The following FER variants were observed in gnomAD, a reference collection of about 807,000 sequenced individuals.
FER encodes the protein tyrosine-protein kinase Fer.
FER carries 63 observed loss-of-function variants against 111.0 expected under a neutral mutation model. The ratio of observed to expected loss-of-function variants is 0.57; its 90% CI spans 0.46 to 0.70. FER has a LOEUF of 0.70. Among genes scored for constraint, FER ranks in the 30% least tolerant of loss-of-function variants. The probability of loss-of-function intolerance (pLI) is 0.00; values close to 1 mark genes in which losing one functional copy is unlikely to be tolerated. For synonymous variants in FER, 327 were observed against 313.9 expected (o/e 1.04, Z -0.44); for missense variants, 914 against 954.0 (o/e 0.96, Z 0.55).
intron 13 of FER, among the ~76,000 whole-genome samples, chr5:109,021,820 T>C (rs531523757): frequency 3.3e-5 from 5 of 152,230 alleles, no homozygotes; most frequent in African/African-American, 9.6e-5. Context: ...CTAAAAGTTG[T>C]TGTTTTTTCA....
intron 13 of FER, among the ~76,000 whole-genome samples, chr5:109,034,811 A>T (rs1284224781): frequency 6.6e-6 from 1 of 152,150 alleles, no homozygotes; most frequent in Non-Finnish European, 1.5e-5. Context: ...TGCAACTTTA[A>T]AATAACTTTC....
rs1267063467 is a variant in FER at position 108,861,235 on chromosome 5, A to C, written c.482-6532A>C. The stretch of plus-strand genomic sequence containing the variant: ...TATTTATTATCAGCAGGTTTCTACC[A>C]TAATTCGCAAATGGCAAACACTTCA... On this transcript the variant is annotated intron_variant, in intron 5 of 19. Transcript: ENST00000281092. Among the ~76,000 whole-genome samples the C allele has an allele frequency of 2.0e-5, 3 of 152,250 alleles. No homozygotes were observed. The East Asian group carries it at 5.8e-4, about 29-fold the overall frequency.
intron 2 of FER, among the ~76,000 whole-genome samples, chr5:108,792,118 A>C (rs544545387): frequency 9.1e-4 from 138 of 152,324 alleles, no homozygotes; most frequent in African/African-American, 3.1e-3. Flanking sequence ...GAAAGTGTGA[A>C]TCTTCCAACT....
At chr5:108,912,732 CAA>C (rs1751730082) in intron 10 of FER, among the ~76,000 whole-genome samples, 1 of 151,900 alleles carries the variant, frequency 6.6e-6, no homozygotes, top group African/African-American at 2.4e-5. Flanking sequence ...GAAAGAAGAG[CAA>C]AACAAGAAAG....
At chr5:108,755,263 T>C (rs1300441992) in intron 1 of FER, among the ~76,000 whole-genome samples, 1 of 152,236 alleles carries the variant, frequency 6.6e-6, no homozygotes, top group Non-Finnish European at 1.5e-5. Context: ...TGCTGCGTTG[T>C]CACAAGGTTT....
chr5:108,844,831 A>G (rs777600602), intron 5 of FER, among the ~76,000 whole-genome samples: 2 of 151,204 alleles, frequency 1.3e-5, no homozygotes, highest in Non-Finnish European at 2.9e-5. Flanking sequence ...TGTTGCATGT[A>G]TGAGTAATTC....
At chr5:108,817,317 G>C (rs574914260) in intron 3 of FER, among the ~76,000 whole-genome samples, 157 of 151,904 alleles carry the variant, frequency 1.0e-3, no homozygotes, top group African/African-American at 3.6e-3. Flanking sequence ...TTGTCTTCTG[G>C]ATTTCTATAT....
chr5:109,013,521 A>G (rs549657624), intron 13 of FER, among the ~76,000 whole-genome samples: 1 of 150,562 alleles, frequency 6.6e-6, no homozygotes, highest in African/African-American at 2.4e-5. Context: ...GCTATTGTGA[A>G]TAATGCCGCA....
chr5:109,109,744 A>G (rs1453456122), intron 17 of FER, among the ~76,000 whole-genome samples: 1 of 152,158 alleles, frequency 6.6e-6, no homozygotes, highest in Non-Finnish European at 1.5e-5. Context: ...ATGTTCCAGA[A>G]AAAGATAGCC....
intron 18 of FER, among the ~76,000 whole-genome samples, chr5:109,182,126 A>G (rs1028562289): frequency 2.0e-5 from 3 of 152,202 alleles, no homozygotes; most frequent in African/African-American, 4.8e-5. Context: ...TGGATATACA[A>G]CCATTTATTT....
chr5:108,785,752 A>C (rs1012786813), intron 2 of FER, among the ~76,000 whole-genome samples: 7 of 152,160 alleles, frequency 4.6e-5, no homozygotes, highest in South Asian at 4.1e-4. Context: ...TCTGGGAGGA[A>C]TTAGCCTGCA....
chr5:109,187,694 T>TTTA lies in FER; in HGVS notation c.*123_*125dup, dbSNP rs1187501486. The TTTA allele has an allele frequency of 8.1e-6, 10 of 1,241,868 alleles. No homozygotes were observed. The African/African-American group carries it at 1.4e-4, about 17-fold the overall frequency. 76.9% of individuals were successfully genotyped at this position (1,241,868 alleles called of 1,614,324 possible). ...CTTCGACAGTCTTCTACCATTATTT[T>TTTA]TTATTAACTGGGTGTTTTAAAAGTA... On this transcript the variant is annotated 3_prime_UTR_variant, in exon 20 of 20. Coordinates refer to ENST00000281092, the MANE Select transcript of FER (RefSeq NM_005246.4).
intron 15 of FER, among the ~76,000 whole-genome samples, chr5:109,045,071 A>G (rs1266017462): frequency 1.3e-5 from 2 of 151,950 alleles, no homozygotes; most frequent in Non-Finnish European, 2.9e-5. Flanking sequence ...TATATATGCA[A>G]TACTGTGCTT....
At chr5:108,998,198 A>C (rs1764253248) in intron 13 of FER, among the ~76,000 whole-genome samples, 1 of 151,788 alleles carries the variant, frequency 6.6e-6, no homozygotes, top group African/African-American at 2.4e-5. Context: ...AAAAAAAAAA[A>C]AAAAAAACTC....
chr5:108,775,644 C>A (rs1753406585), intron 2 of FER, among the ~76,000 whole-genome samples: 1 of 151,908 alleles, frequency 6.6e-6, no homozygotes, highest in African/African-American at 2.4e-5. Flanking sequence ...TAATGTTGCT[C>A]CAATAGGCTG....
intron 16 of FER, among the ~76,000 whole-genome samples, chr5:109,054,713 T>C (rs1416757502): frequency 1.3e-5 from 2 of 152,218 alleles, no homozygotes. Context: ...TTTTAGAAGT[T>C]TAAAATTTAT....
At chr5:108,843,664 G>C (rs1761512848) in intron 5 of FER, among the ~76,000 whole-genome samples, 1 of 151,328 alleles carries the variant, frequency 6.6e-6, no homozygotes, top group Admixed American at 6.6e-5. Flanking sequence ...GAGTAGCTGG[G>C]GCTACAGGTG....
chr5:109,034,774 A>G (rs1770132644), intron 13 of FER, among the ~76,000 whole-genome samples: 1 of 152,132 alleles, frequency 6.6e-6, no homozygotes, highest in African/African-American at 2.4e-5. Context: ...CATTGTCTAA[A>G]GTGGAAAAGC....
intron 10 of FER, chr5:108,924,919 G>T (rs1431536091): frequency 1.4e-6 from 1 of 699,880 alleles, no homozygotes; most frequent in Non-Finnish European, 2.0e-6. Context: ...TCTGAATCTG[G>T]TGGTAAACAA....
Sources: gnomAD v4.1 joint callset for allele counts (sites outside exome capture counted in the v4.1 genomes callset) on GRCh38, gnomAD v4.1.1 for gene constraint, MANE v1.5 for transcripts, NCBI Gene and HGNC (gene_info 2026-07-23, HGNC 2026-07-21) for gene names.